The following GAPVD1 variants were observed in gnomAD, a reference collection of about 807,000 sequenced individuals.
The protein encoded by GAPVD1 is GTPase activating protein and VPS9 domains 1.
Under a neutral mutation model 155.5 loss-of-function variants are expected in GAPVD1, and 35 were observed. The observed-to-expected ratio is 0.23, with a 90% CI of 0.17 to 0.30. GAPVD1 has a LOEUF of 0.30. Ranked by LOEUF, GAPVD1 falls within the 10% of genes least tolerant of loss-of-function variation. The pLI is 1.00. For missense variants in GAPVD1, 1,429 were observed against 1,775.7 expected (o/e 0.80, Z 3.51); for synonymous variants, 636 against 619.7 (o/e 1.03, Z -0.39).
chr9:125,344,846 C>T (rs1472943698), intron 19 of GAPVD1, among the ~76,000 whole-genome samples: 2 of 151,596 alleles, frequency 1.3e-5, no homozygotes, highest in African/African-American at 4.8e-5. Flanking sequence ...ACGTACTTCC[C>T]CTTCAAAACA....
chr9:125,268,113 G>A lies in GAPVD1; in HGVS notation c.-198-823G>A, dbSNP rs563228749. On this transcript the variant is annotated intron_variant, in intron 1 of 27. Transcript: ENST00000297933. ...CAGGAGGCTGGGGTTGTAGTGAGCCGAGATCACGCCACTGCACTCCAGCTT... is the reference window on the plus strand; with the variant it reads ...CAGGAGGCTGGGGTTGTAGTGAGCCAAGATCACGCCACTGCACTCCAGCTT... Among the ~76,000 whole-genome samples, 8 of 151,498 alleles carry A rather than the reference G, an allele frequency of 5.3e-5. 1 individual carries two copies. In the East Asian group the frequency reaches 7.8e-4, roughly 15 times the overall value.
At chr9:125,323,148 C>T (rs10986701) in intron 10 of GAPVD1, among the ~76,000 whole-genome samples, 3,018 of 151,868 alleles carry the variant, frequency 0.02, 117 homozygotes, top group East Asian at 0.088. Flanking sequence ...CTTTTGTTGC[C>T]CAGGCTGGAG....
chr9:125,301,472 A>G (rs967424486), intron 4 of GAPVD1, among the ~76,000 whole-genome samples: 2 of 151,316 alleles, frequency 1.3e-5, no homozygotes, highest in African/African-American at 4.9e-5. Context: ...TTTTCCAGAC[A>G]GAGTCTTGCT....
chr9:125,350,616 C>A, intron 22 of GAPVD1, 97 bp from the exon 23 acceptor site: 1 of 755,650 alleles, frequency 1.3e-6, no homozygotes, highest in South Asian at 1.8e-5. Context: ...TCTAATGATA[C>A]GTGACAAAGC....
At chr9:125,306,823 G>T (rs183569744) in intron 6 of GAPVD1, among the ~76,000 whole-genome samples, 72 of 152,234 alleles carry the variant, frequency 4.7e-4, no homozygotes, top group South Asian at 1.7e-3. Flanking sequence ...AGTACAAAAA[G>T]AGTTTAATTT....
intron 10 of GAPVD1, among the ~76,000 whole-genome samples, chr9:125,322,125 C>G (rs562895732): frequency 1.3e-5 from 2 of 151,698 alleles, no homozygotes; most frequent in Non-Finnish European, 2.9e-5. Flanking sequence ...AGTGCAGTGT[C>G]GCAATCTCGG....
intron 20 of GAPVD1, among the ~76,000 whole-genome samples, chr9:125,347,445 G>T (rs1021798460): frequency 6.6e-6 from 1 of 152,150 alleles, no homozygotes; most frequent in Non-Finnish European, 1.5e-5. Flanking sequence ...ATAAATAGGG[G>T]CTGAGCACGG....
At chr9:125,328,022 TTAG>T (rs1845452869) in intron 12 of GAPVD1, among the ~76,000 whole-genome samples, 1 of 152,114 alleles carries the variant, frequency 6.6e-6, no homozygotes, top group African/African-American at 2.4e-5. Context: ...GTAACTTTTA[TTAG>T]TAACTTTTTT....
intron 2 of GAPVD1, among the ~76,000 whole-genome samples, chr9:125,294,348 C>CT (rs1236573488): frequency 0.02 from 2,591 of 127,932 alleles, 26 homozygotes; most frequent in South Asian, 0.038. Context: ...GCCAAAATGG[C>CT]TTTTTTTTTT....
At chr9:125,292,682 GC>G (rs1175128207) in intron 2 of GAPVD1, among the ~76,000 whole-genome samples, 4 of 152,270 alleles carry the variant, frequency 2.6e-5, no homozygotes, top group African/African-American at 9.6e-5. Flanking sequence ...GAACCACCAC[GC>G]CCGGCTGGTC....
At chr9:125,314,042 A>T (rs1843030842) in intron 9 of GAPVD1, among the ~76,000 whole-genome samples, 1 of 152,348 alleles carries the variant, frequency 6.6e-6, no homozygotes, top group African/African-American at 2.4e-5. Flanking sequence ...AGGTCCAAGC[A>T]TAAGGAATTT....
rs1226852395 is a variant in GAPVD1 at position 125,366,078 on chromosome 9, GAT to G, written c.*3334_*3335del. The G allele has an allele frequency of 1.3e-5, 2 of 152,202 alleles. No homozygotes were observed. Among genetic ancestry groups the G allele is most frequent in the African/African-American group, 2.4e-5 (1 of 41,442 alleles). 9.4% of individuals were successfully genotyped at this position (152,202 alleles called of 1,614,324 possible). ...CTGCTTATGAAGGCCTTCTGATACA[GAT>G]AGTTAAATCGCTGTAGTAGGAGGCT... On this transcript the variant is annotated 3_prime_UTR_variant, in exon 28 of 28. Coordinates refer to ENST00000297933, the MANE Select transcript of GAPVD1 (RefSeq NM_001282680.3).
chr9:125,280,449 C>T (rs528965957), intron 2 of GAPVD1, among the ~76,000 whole-genome samples: 10 of 151,474 alleles, frequency 6.6e-5, no homozygotes, highest in South Asian at 2.1e-4. Context: ...ATGAAAAGCC[C>T]GTAGTTGGTG....
chr9:125,353,694 A>C (rs968474600), intron 23 of GAPVD1, among the ~76,000 whole-genome samples: 1 of 152,176 alleles, frequency 6.6e-6, no homozygotes, highest in African/African-American at 2.4e-5. Context: ...GCAGCAGACA[A>C]GAGAAGAGAG....
chr9:125,316,370 C>T (rs1440809553), intron 9 of GAPVD1, among the ~76,000 whole-genome samples: 8 of 152,152 alleles, frequency 5.3e-5, no homozygotes, highest in South Asian at 2.1e-4. Context: ...TGATGTTCCC[C>T]TCCCTGTGTC....
intron 3 of GAPVD1, 80 bp from the exon 4 acceptor site, chr9:125,298,810 T>G: frequency 1.6e-6 from 1 of 627,006 alleles, no homozygotes; most frequent in Non-Finnish European, 2.7e-6. Context: ...ATTCTTAAAG[T>G]ATTCTCCTGT....
intron 1 of GAPVD1, among the ~76,000 whole-genome samples, chr9:125,262,406 A>G (rs1833074094): frequency 1.3e-5 from 2 of 152,142 alleles, no homozygotes; most frequent in African/African-American, 4.8e-5. Context: ...GGGGCAGCCC[A>G]CCTAACACAG....
At chr9:125,353,842 G>A (rs1849655187) in intron 23 of GAPVD1, among the ~76,000 whole-genome samples, 1 of 152,166 alleles carries the variant, frequency 6.6e-6, no homozygotes, top group Admixed American at 6.5e-5. Context: ...AGATGTGGGT[G>A]GGGAATACAG....
intron 9 of GAPVD1, among the ~76,000 whole-genome samples, chr9:125,320,039 G>T (rs1237690190): frequency 3.3e-5 from 5 of 151,780 alleles, no homozygotes; most frequent in African/African-American, 1.2e-4. Context: ...TGACAAAATT[G>T]TATCTATTTA....
Sources: allele counts gnomAD v4.1 joint callset (sites outside exome capture counted in the v4.1 genomes callset), GRCh38; gene constraint gnomAD v4.1.1; transcripts MANE v1.5; gene names NCBI Gene and HGNC (gene_info 2026-07-23, HGNC 2026-07-21).